Variants in RFX4 observed in about 807,000 individuals in gnomAD.
RFX4 encodes regulatory factor X4, also known as transcription factor RFX4.
Under a neutral mutation model 95.0 loss-of-function variants are expected in RFX4, and 10 were observed. The observed-to-expected ratio is 0.11, with a 90% CI of 0.06 to 0.18. The LOEUF (loss-of-function observed/expected upper bound fraction) is 0.18. Among genes scored for constraint, RFX4 ranks in the 10% least tolerant of loss-of-function variants. The pLI, the probability that RFX4 is intolerant of heterozygous loss-of-function variation, is 1.00. For missense variants in RFX4, 640 were observed against 922.0 expected, an observed-to-expected ratio of 0.69 and a Z score of 3.96; for synonymous variants, 321 against 340.7, an observed-to-expected ratio of 0.94 and a Z score of 0.64.
intron 15 of RFX4, 89 bp from the exon 16 acceptor site, chr12:106,747,348 C>T: frequency 6.8e-7 from 1 of 1,479,540 alleles, no homozygotes; most frequent in South Asian, 1.3e-5. Flanking sequence ...TGGCCTTCAA[C>T]TTAAGAACAA....
At chr12:106,660,067 GGTACTGA>G (rs1784089448) in intron 4 of RFX4, among the ~76,000 whole-genome samples, 2 of 151,968 alleles carry the variant, frequency 1.3e-5, no homozygotes, top group Non-Finnish European at 2.9e-5. Context: ...TGAACTCTGG[GGTACTGA>G]GTACTAACTC....
chr12:106,680,271 G>A (rs1209782346), intron 4 of RFX4, among the ~76,000 whole-genome samples: 1 of 152,190 alleles, frequency 6.6e-6, no homozygotes, highest in Non-Finnish European at 1.5e-5. Context: ...CCCCAGTGTA[G>A]AGAAATGGTC....
intron 15 of RFX4, among the ~76,000 whole-genome samples, chr12:106,736,071 C>T (rs2042704726): frequency 6.6e-6 from 1 of 152,176 alleles, no homozygotes; most frequent in African/African-American, 2.4e-5. Flanking sequence ...AGCTTCAAAT[C>T]TTTCCTCTCC....
intron 11 of RFX4, among the ~76,000 whole-genome samples, chr12:106,719,581 G>A (rs2137526331): frequency 6.6e-6 from 1 of 152,260 alleles, no homozygotes; most frequent in Admixed American, 6.5e-5. Flanking sequence ...GAGGAGGGGT[G>A]ATCAGTTCTG....
In RFX4 at chr12:106,747,546, T is replaced by G. The variant is rs769514664; in HGVS notation, c.1743T>G (p.Pro581=). 6.2e-6 allele frequency: 10 copies of G among 1,614,126 alleles called. No individual in the cohort carries two copies. The highest frequency in any genetic ancestry group is 1.3e-5 in the African/African-American group (1 of 75,040). ...CCTGTATGAGGAACACTCATGTGCC[T>G]TCTTCCTCCGTCACACACAGGATAC... ...QLPCMRNTHV[P]SSSVTHRIPV... The change falls in exon 16 of 18, where the codon CCT becomes CCG. Residue 581 remains proline (P), a synonymous_variant. Transcript: ENST00000392842.
rs1214578001 is a variant in RFX4 at position 106,751,309 on chromosome 12, G to A, written c.1935+516G>A. The stretch of plus-strand genomic sequence containing the variant: ...GCATAGTATTCCATGGTGTATATGT[G>A]CCACATTTTCTTAATCCAGTCTATC... On this transcript the variant is annotated intron_variant, in intron 17 of 17. Transcript: ENST00000392842. 8.4e-5 allele frequency among the ~76,000 whole-genome samples: 12 copies of A among 142,892 alleles called. No homozygotes were observed. In the South Asian group the frequency reaches 2.1e-3, roughly 25 times the overall value. The allele number at this position is 142,892 out of a possible 152,430, so 93.7% of individuals were successfully genotyped here.
chr12:106,620,615 T>C (rs1436987331), intron 2 of RFX4, among the ~76,000 whole-genome samples: 1 of 152,120 alleles, frequency 6.6e-6, no homozygotes, highest in Non-Finnish European at 1.5e-5. Flanking sequence ...GAACTACTGA[T>C]GAGGGTCTAT....
chr12:106,712,626 C>T (rs2042213136), intron 10 of RFX4, among the ~76,000 whole-genome samples: 1 of 152,080 alleles, frequency 6.6e-6, no homozygotes. Context: ...CTGTCCTGCC[C>T]CTGGCATGGA....
chr12:106,622,969 C>T (rs1008108201), intron 2 of RFX4, among the ~76,000 whole-genome samples: 1 of 151,272 alleles, frequency 6.6e-6, no homozygotes, highest in African/African-American at 2.4e-5. Context: ...TGCCCAAAGT[C>T]ACATAGCTGG....
At chr12:106,642,645 A>G (rs943044373) in intron 3 of RFX4, among the ~76,000 whole-genome samples, 3 of 152,136 alleles carry the variant, frequency 2.0e-5, no homozygotes, top group Non-Finnish European at 4.4e-5. Flanking sequence ...ATTGATAGAT[A>G]AACAAGTAAT....
chr12:106,708,041 C>T (rs898225227), intron 8 of RFX4, among the ~76,000 whole-genome samples: 10 of 151,996 alleles, frequency 6.6e-5, no homozygotes, highest in African/African-American at 1.7e-4. Context: ...GGCTGAGGCA[C>T]GAGAGTCATT....
intron 5 of RFX4, among the ~76,000 whole-genome samples, chr12:106,685,768 T>C (rs1387177378): frequency 6.6e-6 from 1 of 152,256 alleles, no homozygotes; most frequent in Non-Finnish European, 1.5e-5. Flanking sequence ...CCTAAACAGC[T>C]ATATGACCTT....
At chr12:106,741,898 G>A (rs1200310255) in intron 15 of RFX4, among the ~76,000 whole-genome samples, 2 of 152,144 alleles carry the variant, frequency 1.3e-5, no homozygotes, top group Non-Finnish European at 2.9e-5. Flanking sequence ...CCTTGCATGT[G>A]CAGTTCATAG....
chr12:106,584,087 A>G (rs2039416707), intron 1 of RFX4, among the ~76,000 whole-genome samples: 1 of 151,718 alleles, frequency 6.6e-6, no homozygotes, highest in African/African-American at 2.4e-5. Context: ...GGGTCTGCAA[A>G]CTGCTCTGCA....
At chr12:106,676,632 G>T (rs930716266) in intron 4 of RFX4, among the ~76,000 whole-genome samples, 14 of 152,146 alleles carry the variant, frequency 9.2e-5, no homozygotes, top group African/African-American at 3.4e-4. Flanking sequence ...GGAGACACGG[G>T]GCTGTCTGCT....
chr12:106,681,775 C>A (rs1011582860), intron 4 of RFX4, among the ~76,000 whole-genome samples: 1 of 152,108 alleles, frequency 6.6e-6, no homozygotes, highest in Non-Finnish European at 1.5e-5. Context: ...CATAGAGTGG[C>A]CAAGTGAGAC....
intron 16 of RFX4, among the ~76,000 whole-genome samples, chr12:106,748,382 C>A (rs2042934583): frequency 6.6e-6 from 1 of 152,108 alleles, no homozygotes; most frequent in Non-Finnish European, 1.5e-5. Context: ...GGCTGGAGGT[C>A]CCTTTAGGCT....
chr12:106,628,907 G>A (rs536106502), intron 2 of RFX4, among the ~76,000 whole-genome samples: 9 of 152,030 alleles, frequency 5.9e-5, no homozygotes, highest in Non-Finnish European at 1.3e-4. Context: ...TTACAGGCAT[G>A]CACCACCATG....
At chr12:106,733,253 T>A in intron 15 of RFX4, 168 bp downstream of exon 15, 3 of 666,468 alleles carry the variant, frequency 4.5e-6, no homozygotes, top group Non-Finnish European at 5.2e-6. Flanking sequence ...GGAGAATTGC[T>A]TGAGCCCAGG....
Sources: gnomAD v4.1 joint callset for allele counts (sites outside exome capture counted in the v4.1 genomes callset) on GRCh38, gnomAD v4.1.1 for gene constraint, MANE v1.5 for transcripts, NCBI Gene and HGNC (gene_info 2026-07-23, HGNC 2026-07-21) for gene names.